Variants in USP21 observed in about 807,000 individuals in gnomAD.
The protein encoded by USP21 is ubiquitin carboxyl-terminal hydrolase 21.
Under a neutral mutation model 70.8 loss-of-function variants are expected in USP21, and 37 were observed. The ratio of observed to expected loss-of-function variants is 0.52; its 90% confidence interval spans 0.40 to 0.69. The LOEUF is 0.69. Among genes scored for constraint, USP21 ranks in the 30% least tolerant of loss-of-function variants. The pLI, the probability that USP21 is intolerant of heterozygous loss-of-function variation, is 0.00. For missense variants in USP21, 584 were observed against 740.8 expected (o/e 0.79, Z 2.46); for synonymous variants, 263 against 283.1 (o/e 0.93, Z 0.71).
Position 161,162,469 on chromosome 1 carries a change from G to T in USP21, c.781+79G>T. Reference sequence around the variant, plus strand: ...TGCAGGTCCATCTGCCACTGGTGGTGGCCCCCAACCCTTAAATCTGGCAGT... The same window carrying T: ...TGCAGGTCCATCTGCCACTGGTGGTTGCCCCCAACCCTTAAATCTGGCAGT... On this transcript the variant is annotated intron_variant, in intron 5 of 13. Coordinates refer to ENST00000368002, the MANE Select transcript of USP21 (RefSeq NM_001014443.3). This position sits in a 1 kb window ranked among gnomAD's most constrained non-coding sequence, Gnocchi z 4.1. 6.4e-7 allele frequency: 1 copy of T among 1,562,406 alleles called. No homozygotes were observed. Among genetic ancestry groups the T allele is most frequent in the South Asian group, 1.2e-5 (1 of 83,372 alleles).
At position 161,160,979 on chromosome 1, in the gene USP21, T is replaced by C. The variant is rs372271090; in HGVS notation, c.339T>C (p.Ser113=). Residue 113 remains serine (S), a synonymous_variant, in exon 3 of 14, where the codon TCT becomes TCC. Transcript: ENST00000368002. ...GGACCAACTTAGCCCGTTCCAAGTC[T>C]GTGAGCAGTGGGGACTTGCGTCCAA... ...PSRTNLARSK[S]VSSGDLRPMG... 35 of 1,614,120 alleles carry C rather than the reference T, an allele frequency of 2.2e-5. No homozygotes were observed. The highest frequency in any genetic ancestry group is 2.9e-5 in the Non-Finnish European group (34 of 1,180,050).
intron 1 of USP21, among the ~76,000 whole-genome samples, chr1:161,160,105 G>A (rs569435615): frequency 1.3e-5 from 2 of 151,560 alleles, no homozygotes; most frequent in South Asian, 4.2e-4. Context: ...CTGTCTTTTG[G>A]GCTGTTATTC....
chr1:161,161,280 C>G lies in USP21; in HGVS notation c.600+40C>G. 6.5e-7 allele frequency: 1 copy of G among 1,537,920 alleles called. No homozygotes were observed. The highest frequency in any genetic ancestry group is 1.2e-5 in the South Asian group (1 of 81,060). The stretch of plus-strand genomic sequence containing the variant: ...CACACATGGCCTTCATGCCCATGTT[C>G]CTCTGTGCTTTCCTGCCATCCTCTG... On this transcript the variant is annotated intron_variant, in intron 3 of 13. Coordinates refer to ENST00000368002, the MANE Select transcript of USP21 (RefSeq NM_001014443.3). The surrounding 1 kb of genome is among the most constrained non-coding windows in gnomAD (Gnocchi z 4.2).
Position 161,162,494 on chromosome 1 carries a change from T to C in USP21, c.781+104T>C. On this transcript the variant is annotated intron_variant, in intron 5 of 13. Coordinates refer to ENST00000368002, the MANE Select transcript of USP21 (RefSeq NM_001014443.3). The surrounding 1 kb of genome is among the most constrained non-coding windows in gnomAD (Gnocchi z 4.1). ...GGCCCCCAACCCTTAAATCTGGCAGTTGTATCTACTTTTCCCAGTGCCTAC... is the reference window on the plus strand; with the variant it reads ...GGCCCCCAACCCTTAAATCTGGCAGCTGTATCTACTTTTCCCAGTGCCTAC... 1 of 1,549,258 alleles carries C rather than the reference T, an allele frequency of 6.5e-7. No homozygotes were observed. Among genetic ancestry groups the C allele is most frequent in the Admixed American group, 1.8e-5 (1 of 56,854 alleles).
chr1:161,164,794 G>C lies in USP21; in HGVS notation c.1385-41G>C. 7.5e-6 allele frequency: 12 copies of C among 1,604,294 alleles called. No homozygotes were observed. Among genetic ancestry groups the C allele is most frequent in the Non-Finnish European group, 8.5e-6 (10 of 1,174,294 alleles). On this transcript the variant is annotated intron_variant, in intron 11 of 13. Coordinates refer to ENST00000368002, the MANE Select transcript of USP21 (RefSeq NM_001014443.3). This position sits in a 1 kb window ranked among gnomAD's most constrained non-coding sequence, Gnocchi z 4.2. ...TTCAGGATAGAAGAAGTTCCCCTCA[G>C]AGGCCCACTGCCTCCCAAATGCTCC...
chr1:161,162,520 T>G lies in USP21; in HGVS notation c.782-95T>G. The G allele has an allele frequency of 6.5e-7, 1 of 1,536,442 alleles. No individual in the cohort carries two copies. Among genetic ancestry groups the G allele is most frequent in the Non-Finnish European group, 9.0e-7 (1 of 1,115,646 alleles). On this transcript the variant is annotated intron_variant, in intron 5 of 13. Coordinates refer to ENST00000368002, the MANE Select transcript of USP21 (RefSeq NM_001014443.3). This position sits in a 1 kb window ranked among gnomAD's most constrained non-coding sequence, Gnocchi z 4.1. ...TGTATCTACTTTTCCCAGTGCCTAC[T>G]TTCCTAAAGGTTATTTTCTACCCTC...
chr1:161,161,541 A>C lies in USP21; in HGVS notation c.600+301A>C. On this transcript the variant is annotated intron_variant, in intron 3 of 13. Transcript: ENST00000368002. This position sits in a 1 kb window ranked among gnomAD's most constrained non-coding sequence, Gnocchi z 4.2. ...CCTTGCTTGCACCTTCTCTACTGGG[A>C]CTCTGCCTAGGCCTAATTAATCTCT... 4.7e-6 allele frequency: 2 copies of C among 428,228 alleles called. No individual in the cohort carries two copies. Among genetic ancestry groups the C allele is most frequent in the East Asian group, 4.3e-5 (1 of 23,220 alleles). The allele number at this position is 428,228 out of a possible 1,614,324, so 26.5% of individuals were successfully genotyped here.
rs779065669 is a variant in USP21, at chr1:161,164,487, T to C, written c.1306-47T>C. ...TGGATCGGGGTGTCAGAAAAGCCAA[T>C]TGAGGTTAGGAGCATATTAACCTAA... On this transcript the variant is annotated intron_variant, in intron 10 of 13. Coordinates refer to ENST00000368002, the MANE Select transcript of USP21 (RefSeq NM_001014443.3). The surrounding 1 kb of genome is among the most constrained non-coding windows in gnomAD (Gnocchi z 4.2). The C allele has an allele frequency of 9.9e-6, 16 of 1,610,414 alleles. No homozygotes were observed. The highest frequency in any genetic ancestry group is 5.3e-5 in the African/African-American group (4 of 74,830).
Position 161,161,284 on chromosome 1 carries a change from T to G in USP21, c.600+44T>G. On this transcript the variant is annotated intron_variant, in intron 3 of 13. Transcript: ENST00000368002. This position sits in a 1 kb window ranked among gnomAD's most constrained non-coding sequence, Gnocchi z 4.2. ...CATGGCCTTCATGCCCATGTTCCTC[T>G]GTGCTTTCCTGCCATCCTCTGCCTT... 6.5e-7 allele frequency: 1 copy of G among 1,528,528 alleles called. No individual in the cohort carries two copies. The highest frequency in any genetic ancestry group is 8.8e-7 in the Non-Finnish European group (1 of 1,140,898). The allele number at this position is 1,528,528 out of a possible 1,614,324, so 94.7% of individuals were successfully genotyped here. A position where few individuals can be genotyped will look rare whatever the true frequency, so the allele number is the denominator to read the frequency against.
At position 161,164,322 on chromosome 1, in the gene USP21, T is replaced by G; in HGVS notation, c.1305+72T>G. On this transcript the variant is annotated intron_variant, in intron 10 of 13. Transcript: ENST00000368002. The surrounding 1 kb of genome is among the most constrained non-coding windows in gnomAD (Gnocchi z 4.2). Reference sequence around the variant, plus strand: ...GGGACTCCATGTGGATAAAAGGGATTGCATGATGTCTTCATATGGGGAATA... The same window carrying G: ...GGGACTCCATGTGGATAAAAGGGATGGCATGATGTCTTCATATGGGGAATA... 6.8e-7 allele frequency: 1 copy of G among 1,463,366 alleles called. No homozygotes were observed. The highest frequency in any genetic ancestry group is 9.6e-7 in the Non-Finnish European group (1 of 1,043,784). 90.6% of individuals were successfully genotyped at this position (1,463,366 alleles called of 1,614,324 possible).
rs773005306 is a variant in USP21, at chr1:161,164,860, A to G, written c.1410A>G (p.Arg470=). The change falls in exon 12 of 14, where the codon CGA becomes CGG. Residue 470 remains arginine (R), a synonymous_variant. Transcript: ENST00000368002. This position sits in a 1 kb window ranked among gnomAD's most constrained non-coding sequence, Gnocchi z 4.2. ...VLHLNRFSAS[R]GSIKKSSVGV... ...ATCTGAATCGATTTTCTGCCTCCCG[A>G]GGCTCCATCAAAAAAAGTTCAGTAG... 8.7e-6 allele frequency: 14 copies of G among 1,613,976 alleles called. No individual in the cohort carries two copies. The highest frequency in any genetic ancestry group is 3.3e-4 in the Middle Eastern group (2 of 6,030).
Position 161,164,418 on chromosome 1 carries a change from C to T in USP21, c.1306-116C>T. 7.1e-7 allele frequency: 1 copy of T among 1,407,878 alleles called. No individual in the cohort carries two copies. The highest frequency in any genetic ancestry group is 1.0e-6 in the Non-Finnish European group (1 of 1,004,560). The allele number at this position is 1,407,878 out of a possible 1,614,324, so 87.2% of individuals were successfully genotyped here. ...GTACTCCTAGAGCAAAGGGGAGAAG[C>T]CAAGAGGATCCAGCTGTAATGAAGA... On this transcript the variant is annotated intron_variant, in intron 10 of 13. Transcript: ENST00000368002. The surrounding 1 kb of genome is among the most constrained non-coding windows in gnomAD (Gnocchi z 4.2).
Position 161,164,868 on chromosome 1 carries a change from T to C in USP21, c.1418T>C (p.Ile473Thr). ...CGATTTTCTGCCTCCCGAGGCTCCATCAAAAAAAGTTCAGTAGGTGTAGAC... is the reference window on the plus strand; with the variant it reads ...CGATTTTCTGCCTCCCGAGGCTCCACCAAAAAAAGTTCAGTAGGTGTAGAC... ...LNRFSASRGS[I>T]KKSSVGVDFP... is the part of the protein sequence containing the mutation. The change falls in exon 12 of 14, where the codon ATC (isoleucine) becomes ACC (threonine). Residue 473 changes from isoleucine to threonine, a missense_variant. Physicochemically the swap from Ile to Thr is moderately conservative, Grantham distance 89. This residue lies in a region of USP21 where 173 missense variants were observed against 268.2 expected (regional missense o/e 0.65). Transcript: ENST00000368002. The surrounding 1 kb of genome is among the most constrained non-coding windows in gnomAD (Gnocchi z 4.2). 6.2e-7 allele frequency: 1 copy of C among 1,613,900 alleles called. No homozygotes were observed. The highest frequency in any genetic ancestry group is 1.1e-5 in the South Asian group (1 of 91,066).
chr1:161,163,074 G>C lies in USP21; in HGVS notation c.1049G>C (p.Ser350Thr). Reference sequence around the variant, plus strand: ...GCTCTGCTAGAAGAACCTGAGTTAAGGTAAGGGTCGTTCCCTCTACCTCCT... The same window carrying C: ...GCTCTGCTAGAAGAACCTGAGTTAACGTAAGGGTCGTTCCCTCTACCTCCT... ...GGALLEEPEL[S>T]DDDRANLMWK... Residue 350 changes from serine to threonine, a missense_variant and splice_region_variant, in exon 7 of 14, where the codon AGT (serine) becomes ACT (threonine). By Grantham distance (58) the Ser-to-Thr change is moderately conservative. Transcript: ENST00000368002. 6.3e-7 allele frequency: 1 copy of C among 1,594,410 alleles called. No homozygotes were observed. The highest frequency in any genetic ancestry group is 8.5e-7 in the Non-Finnish European group (1 of 1,171,634).
At chr1:161,163,764 T>C (rs1658139849) in intron 8 of USP21, 114 bp from the exon 9 acceptor site, 1 of 1,318,944 alleles carries the variant, frequency 7.6e-7, no homozygotes, top group Non-Finnish European at 1.1e-6. Context: ...ATTAGGAGTG[T>C]TGGTAGTGGG....
rs1424886998 is a variant in USP21, at chr1:161,165,460, C to G, written c.*13C>G. On this transcript the variant is annotated 3_prime_UTR_variant, in exon 14 of 14. Transcript: ENST00000368002. ...CCGGTGCCTGTGACACCTCTAAGCT[C>G]TGGCACCTGTGAAGCCCTTTAAACA... is the stretch of plus-strand genomic sequence containing the variant. The G allele has an allele frequency of 1.9e-6, 3 of 1,608,422 alleles. No individual in the cohort carries two copies. In the East Asian group the frequency reaches 6.7e-5, roughly 36 times the overall value.
In USP21 at chr1:161,162,426, C is replaced by A. The variant is rs141552973; in HGVS notation, c.781+36C>A. Reference sequence around the variant, plus strand: ...AACTCCTGCTCCCTCTGTTCAAGTCCCTTTTTCCCCAACCACTTGCAGGTC... The same window carrying A: ...AACTCCTGCTCCCTCTGTTCAAGTCACTTTTTCCCCAACCACTTGCAGGTC... On this transcript the variant is annotated intron_variant, in intron 5 of 13. Coordinates refer to ENST00000368002, the MANE Select transcript of USP21 (RefSeq NM_001014443.3). The surrounding 1 kb of genome is among the most constrained non-coding windows in gnomAD (Gnocchi z 4.1). 3 of 1,572,184 alleles carry A rather than the reference C, an allele frequency of 1.9e-6. No individual in the cohort carries two copies. The highest frequency in any genetic ancestry group is 2.6e-6 in the Non-Finnish European group (3 of 1,157,240).
In USP21 at chr1:161,164,477, GAA is replaced by G; in HGVS notation, c.1306-54_1306-53del. The G allele has an allele frequency of 6.2e-7, 1 of 1,605,434 alleles. No homozygotes were observed. Among genetic ancestry groups the G allele is most frequent in the African/African-American group, 1.3e-5 (1 of 74,824 alleles). ...AATTTGTATGTGGATCGGGGTGTCA[GAA>G]AAGCCAATTGAGGTTAGGAGCATAT... On this transcript the variant is annotated intron_variant, in intron 10 of 13. Transcript: ENST00000368002. The surrounding 1 kb of genome is among the most constrained non-coding windows in gnomAD (Gnocchi z 4.2).
rs191180673 is a variant in USP21 at position 161,160,998 on chromosome 1, C to T, written c.358C>T (p.Arg120Cys). 6.8e-6 allele frequency: 11 copies of T among 1,614,224 alleles called. No homozygotes were observed. The highest frequency in any genetic ancestry group is 2.2e-5 in the South Asian group (2 of 91,086). The change falls in exon 3 of 14, where the codon CGT becomes TGT. Residue 120 changes from arginine (R) to cysteine (C), a missense_variant. Arg to Cys is a radical substitution (Grantham distance 180). Around this residue, in one of 4 missense-constraint regions of USP21, gnomAD observed 284 missense variants for 281.0 expected, o/e 1.01. Transcript: ENST00000368002. ...CAAGTCTGTGAGCAGTGGGGACTTG[C>T]GTCCAATGGGGATTGCCTTGGGAGG... ...RSKSVSSGDLRPMGIALGGHR... is the reference protein window; with the variant it reads ...RSKSVSSGDLCPMGIALGGHR...
Sources: allele counts gnomAD v4.1 joint callset (sites outside exome capture counted in the v4.1 genomes callset), GRCh38; gene constraint gnomAD v4.1.1; regional missense constraint gnomAD v4.1.1; non-coding constraint Gnocchi (gnomAD v3.1); transcripts MANE v1.5; gene names NCBI Gene and HGNC (gene_info 2026-07-23, HGNC 2026-07-21).